Variants in FRAS1 observed in about 807,000 individuals in gnomAD.
FRAS1 encodes the protein Fraser extracellular matrix complex subunit 1, also known as extracellular matrix organizing protein FRAS1.
FRAS1 carries 290 observed loss-of-function variants against 435.2 expected under a neutral mutation model. That is an observed-to-expected ratio of 0.67 (90% CI 0.61 to 0.73). The LOEUF is 0.73. Ranked by LOEUF, FRAS1 falls within the 30% of genes least tolerant of loss-of-function variation. The probability of loss-of-function intolerance (pLI) is 0.00; values close to 1 mark genes in which losing one functional copy is unlikely to be tolerated. For missense variants in FRAS1, 4,860 were observed against 5,001.5 expected (o/e 0.97, Z 0.85); for synonymous variants, 1,800 against 1,851.0 (o/e 0.97, Z 0.71).
intron 69 of FRAS1, among the ~76,000 whole-genome samples, chr4:78,524,720 A>G (rs918269085): frequency 5.3e-5 from 8 of 152,210 alleles, no homozygotes; most frequent in African/African-American, 1.9e-4. Context: ...CACCTTGAAT[A>G]TATTGGTAAA....
chr4:78,152,722 TTGAC>T (rs1720720502), intron 2 of FRAS1, among the ~76,000 whole-genome samples: 1 of 150,484 alleles, frequency 6.6e-6, no homozygotes, highest in Non-Finnish European at 1.5e-5. Context: ...GGAGAATTCA[TTGAC>T]TGATTCCCCA....
chr4:78,337,592 T>C (rs1730219541), intron 19 of FRAS1, 82 bp from the exon 20 acceptor site: 1 of 1,441,014 alleles, frequency 6.9e-7, no homozygotes, highest in Non-Finnish European at 9.5e-7. Flanking sequence ...GCTTTTAATG[T>C]AATTTGTGGA....
At chr4:78,384,227 G>A (rs1490463466) in intron 28 of FRAS1, 84 bp downstream of exon 28, 1 of 963,542 alleles carries the variant, frequency 1.0e-6, no homozygotes, top group Non-Finnish European at 1.6e-6. Context: ...TGGATTTAAT[G>A]AAAATTATTG....
At chr4:78,336,911 G>T (rs1438002106) in intron 19 of FRAS1, among the ~76,000 whole-genome samples, 6 of 152,166 alleles carry the variant, frequency 3.9e-5, no homozygotes, top group Non-Finnish European at 8.8e-5. Context: ...CAATGCAGCT[G>T]CAGCTGCAGC....
chr4:78,496,729 T>C, intron 59 of FRAS1, 76 bp from the exon 60 acceptor site: 1 of 1,329,388 alleles, frequency 7.5e-7, no homozygotes, highest in Non-Finnish European at 1.1e-6. Flanking sequence ...AGAAGAAAGA[T>C]AGTTTTCTAG....
At chr4:78,065,079 T>TACACACAC (rs1429525906) in intron 1 of FRAS1, among the ~76,000 whole-genome samples, 19 of 107,078 alleles carry the variant, frequency 1.8e-4, no homozygotes, top group African/African-American at 6.1e-4. Context: ...TATATATATA[T>TACACACAC]ATATACATAC....
intron 47 of FRAS1, among the ~76,000 whole-genome samples, chr4:78,456,768 C>T (rs1024337302): frequency 2.6e-5 from 4 of 152,152 alleles, no homozygotes; most frequent in East Asian, 1.9e-4. Context: ...ATGGGATAAG[C>T]CCTGAACCAA....
chr4:78,069,032 A>G (rs1256896037), intron 2 of FRAS1, among the ~76,000 whole-genome samples: 1 of 152,254 alleles, frequency 6.6e-6, no homozygotes, highest in Non-Finnish European at 1.5e-5. Flanking sequence ...TTCTCTGATT[A>G]TACAACTTTT....
intron 2 of FRAS1, among the ~76,000 whole-genome samples, chr4:78,082,574 T>G (rs1740945179): frequency 6.6e-6 from 1 of 152,122 alleles, no homozygotes; most frequent in Admixed American, 6.6e-5. Flanking sequence ...CTTCTGTTAG[T>G]TCATCCAGGA....
At chr4:78,375,917 A>C (rs745356594) in intron 26 of FRAS1, 38 bp downstream of exon 26, 1 of 1,609,160 alleles carries the variant, frequency 6.2e-7, no homozygotes. Context: ...TGAATTTACC[A>C]ATAATTTCTC....
At chr4:78,168,277 G>C (rs572438946) in intron 2 of FRAS1, among the ~76,000 whole-genome samples, 1 of 152,022 alleles carries the variant, frequency 6.6e-6, no homozygotes, top group Admixed American at 6.6e-5. Context: ...TGTCCCCTGC[G>C]TTTGCCCTGC....
At chr4:78,172,522 TTTAG>T (rs1381290696) in intron 2 of FRAS1, among the ~76,000 whole-genome samples, 1 of 152,148 alleles carries the variant, frequency 6.6e-6, no homozygotes, top group African/African-American at 2.4e-5. Flanking sequence ...GAAATTTGTT[TTTAG>T]TTAGTTTCTA....
intron 38 of FRAS1, among the ~76,000 whole-genome samples, chr4:78,436,013 T>C (rs771723941): frequency 3.3e-5 from 5 of 152,092 alleles, no homozygotes; most frequent in Non-Finnish European, 5.9e-5. Context: ...GGTCTAACTA[T>C]AAAAGATTGG....
rs775776396 is a variant in FRAS1, at chr4:78,267,371, T to C, written c.920T>C (p.Met307Thr). The change falls in exon 9 of 74, where the codon ATG (methionine) becomes ACG (threonine). Residue 307 changes from methionine to threonine, a missense_variant. By Grantham distance (81) the Met-to-Thr change is moderately conservative. Coordinates refer to ENST00000512123, the MANE Select transcript of FRAS1 (RefSeq NM_025074.7). ...MWKGSACEFC[M>T]CDHGQVTCQT... is the part of the protein sequence containing the mutation. ...AAGGGCTCGGCCTGTGAGTTCTGCA[T>C]GTGTGATCATGGCCAAGTGACCTGC... 1.9e-6 allele frequency: 3 copies of C among 1,613,846 alleles called. No individual in the cohort carries two copies. The highest frequency in any genetic ancestry group is 2.7e-5 in the African/African-American group (2 of 74,938).
At chr4:78,433,996 A>G (rs888329942) in intron 38 of FRAS1, among the ~76,000 whole-genome samples, 1 of 152,246 alleles carries the variant, frequency 6.6e-6, no homozygotes. Context: ...CATAGCATAC[A>G]TTTTAAAGAC....
At chr4:78,437,028 T>C (rs968626802) in intron 38 of FRAS1, among the ~76,000 whole-genome samples, 1 of 152,248 alleles carries the variant, frequency 6.6e-6, no homozygotes, top group African/African-American at 2.4e-5. Context: ...TCTGTATTCT[T>C]ATGCATTTTT....
chr4:78,540,966 C>T lies in FRAS1; in HGVS notation c.11881C>T (p.Arg3961Trp), dbSNP rs200693022. Residue 3961 changes from arginine to tryptophan, a missense_variant, in exon 74 of 74, where the codon CGG (arginine) becomes TGG (tryptophan). Physicochemically the swap from Arg to Trp is moderately radical, Grantham distance 101. Coordinates refer to ENST00000512123, the MANE Select transcript of FRAS1 (RefSeq NM_025074.7). ...KVEVPKRHPD[R>W]VEKNVNRHYC... ...AGAAGTGCCCAAGAGGCACCCGGAC[C>T]GGGTGGAGAAGAACGTGAATAGACA... 183 of 1,613,442 alleles carry T rather than the reference C, an allele frequency of 1.1e-4. No homozygotes were observed. Among genetic ancestry groups the T allele is most frequent in the Admixed American group, 1.5e-4 (9 of 59,944 alleles).
At chr4:78,363,408 A>C in intron 20 of FRAS1, 105 bp from the exon 21 acceptor site, 2 of 1,090,980 alleles carry the variant, frequency 1.8e-6, no homozygotes, top group Non-Finnish European at 1.3e-6. Flanking sequence ...TCCAGCTGTC[A>C]GCTGCAGTGT....
At chr4:78,357,827 C>G (rs372292756) in intron 20 of FRAS1, among the ~76,000 whole-genome samples, 6 of 152,236 alleles carry the variant, frequency 3.9e-5, no homozygotes, top group African/African-American at 1.4e-4. Context: ...CCTGGAGCCC[C>G]GAGTTCAAGG....
Sources: allele counts gnomAD v4.1 joint callset (sites outside exome capture counted in the v4.1 genomes callset), GRCh38; gene constraint gnomAD v4.1.1; transcripts MANE v1.5; gene names NCBI Gene and HGNC (gene_info 2026-07-23, HGNC 2026-07-21).